Variants in MORC2 observed in about 807,000 individuals in gnomAD.
MORC2 encodes the protein MORC family CW-type zinc finger 2.
In MORC2, 30 loss-of-function variants were observed where a neutral mutation model predicts 136.0. The ratio of observed to expected loss-of-function variants is 0.22; its 90% confidence interval spans 0.17 to 0.30. MORC2 has a LOEUF of 0.30. MORC2 is among the 10% of genes least tolerant of loss of function. The pLI, the probability that MORC2 is intolerant of heterozygous loss-of-function variation, is 1.00. For missense variants in MORC2, 922 were observed against 1,333.1 expected (o/e 0.69, Z 4.80); for synonymous variants, 439 against 487.0 (o/e 0.90, Z 1.30).
intron 3 of MORC2, among the ~76,000 whole-genome samples, chr22:30,951,391 C>A (rs929571966): frequency 3.3e-5 from 5 of 152,094 alleles, no homozygotes; most frequent in Non-Finnish European, 7.4e-5. Context: ...GCCTTTTGAC[C>A]CAATGATGAG....
chr22:30,954,025 C>T (rs2040930134), intron 3 of MORC2, among the ~76,000 whole-genome samples: 1 of 152,172 alleles, frequency 6.6e-6, no homozygotes, highest in Admixed American at 6.5e-5. Flanking sequence ...TTATTACTGG[C>T]CAAGCGCATC....
intron 17 of MORC2, 81 bp from the exon 18 acceptor site, chr22:30,935,403 G>A: frequency 7.2e-6 from 10 of 1,385,802 alleles, no homozygotes; most frequent in Admixed American, 6.1e-5. Context: ...TCTGGAACCA[G>A]GGACAAAAAA....
chr22:30,929,659 G>C (rs952357204), intron 24 of MORC2, among the ~76,000 whole-genome samples: 1 of 152,156 alleles, frequency 6.6e-6, no homozygotes, highest in Non-Finnish European at 1.5e-5. Flanking sequence ...GAGGCAGGAG[G>C]CTGAGGCAGG....
intron 24 of MORC2, among the ~76,000 whole-genome samples, chr22:30,931,709 C>A (rs555098212): frequency 2.0e-5 from 3 of 152,346 alleles, no homozygotes; most frequent in East Asian, 3.9e-4. Flanking sequence ...TCTCTGCCCC[C>A]CAGGCCACCA....
At chr22:30,949,936 G>T in intron 4 of MORC2, 94 bp from the exon 5 acceptor site, 2 of 1,148,492 alleles carry the variant, frequency 1.7e-6, no homozygotes. Flanking sequence ...ATCCAAGCAG[G>T]GGTGTGTATC....
rs774764459 is a variant in MORC2 at position 30,933,449 on chromosome 22, T to A, written c.2380+17A>T. 4 of 1,613,008 alleles carry A rather than the reference T, an allele frequency of 2.5e-6. No homozygotes were observed. In the Admixed American group the frequency reaches 6.7e-5, roughly 27 times the overall value. ...CCCACCCCCGCCACAGGCTGCCAAGTCACTCCCCCAGCTCACCTTTCTGAG... is the reference window on the plus strand; with the variant it reads ...CCCACCCCCGCCACAGGCTGCCAAGACACTCCCCCAGCTCACCTTTCTGAG... On this transcript the variant is annotated intron_variant, in intron 21 of 25. Coordinates refer to ENST00000397641, the MANE Select transcript of MORC2 (RefSeq NM_001303256.3).
chr22:30,965,895 G>C (rs1453125010), intron 1 of MORC2, among the ~76,000 whole-genome samples: 1 of 152,236 alleles, frequency 6.6e-6, no homozygotes, highest in Non-Finnish European at 1.5e-5. Context: ...ACTGACTACA[G>C]TAGGCACTGC....
At chr22:30,958,758 C>T in intron 1 of MORC2, 64 bp from the exon 2 acceptor site, 2 of 1,364,714 alleles carry the variant, frequency 1.5e-6, no homozygotes, top group East Asian at 2.5e-5. Context: ...TAATAAAAAG[C>T]CATGGTTATA....
At position 30,926,201 on chromosome 22, in the gene MORC2, G is replaced by T. The variant is rs946604273; in HGVS notation, c.*602C>A. ...AAAGAACTTGAGTAGTAGATGAGGT[G>T]GTTAGACAGGATCTTTTTCCCTCAA... On this transcript the variant is annotated 3_prime_UTR_variant, in exon 26 of 26. Transcript: ENST00000397641. 6.6e-6 allele frequency: 1 copy of T among 152,214 alleles called. No individual in the cohort carries two copies. The highest frequency in any genetic ancestry group is 1.5e-5 in the Non-Finnish European group (1 of 68,074). The allele number at this position is 152,214 out of a possible 1,614,324, so 9.4% of individuals were successfully genotyped here.
At chr22:30,964,629 C>G (rs1381753930) in intron 1 of MORC2, among the ~76,000 whole-genome samples, 2 of 152,166 alleles carry the variant, frequency 1.3e-5, no homozygotes, top group Non-Finnish European at 2.9e-5. Flanking sequence ...CTTAAAAACC[C>G]TAACATTTAT....
rs749152179 is a variant in MORC2, at chr22:30,940,742, C to A, written c.904+16G>T. ...GATGCACACCCCCCCAACTCCTGCA[C>A]CCAGAGTGGCATTACCAATCCTTGC... On this transcript the variant is annotated intron_variant, in intron 10 of 25. Transcript: ENST00000397641. 2 of 1,612,790 alleles carry A rather than the reference C, an allele frequency of 1.2e-6. No homozygotes were observed. The highest frequency in any genetic ancestry group is 1.7e-5 in the Admixed American group (1 of 60,000).
In MORC2 at chr22:30,935,254, G is replaced by A. The variant is rs763512708; in HGVS notation, c.1806C>T (p.Ser602=). 1.2e-6 allele frequency: 2 copies of A among 1,613,654 alleles called. No homozygotes were observed. The highest frequency in any genetic ancestry group is 1.7e-6 in the Non-Finnish European group (2 of 1,179,852). ...KLPLEVTTRP[S]TEEPVRRPQR... ...CCAGGCCCCTGGACTTCACCTCAGTGGAAGGTCTGGTGGTCACTTCCAAGG... is the reference window on the plus strand; with the variant it reads ...CCAGGCCCCTGGACTTCACCTCAGTAGAAGGTCTGGTGGTCACTTCCAAGG... Residue 602 remains serine (S), a synonymous_variant, in exon 18 of 26, where the codon TCC becomes TCT. Transcript: ENST00000397641.
intron 3 of MORC2, among the ~76,000 whole-genome samples, chr22:30,952,958 T>A (rs917020188): frequency 2.2e-4 from 33 of 152,220 alleles, no homozygotes; most frequent in African/African-American, 8.0e-4. Context: ...AAAGAGCTTG[T>A]GAAAATAGAT....
intron 20 of MORC2, 139 bp from the exon 21 acceptor site, chr22:30,933,659 A>C (rs1256054416): frequency 3.7e-6 from 3 of 809,964 alleles, no homozygotes; most frequent in Non-Finnish European, 6.0e-6. Flanking sequence ...CCCCGTTGAG[A>C]GCCACACTCC....
rs113183423 is a variant in MORC2 at position 30,940,632 on chromosome 22, A to G, written c.904+126T>C. Reference sequence around the variant, plus strand: ...AAAGGGGCTGCAAAGGAACTGAACTATGCTTCAGGAGACCAGCCTTGTCCC... The same window carrying G: ...AAAGGGGCTGCAAAGGAACTGAACTGTGCTTCAGGAGACCAGCCTTGTCCC... On this transcript the variant is annotated intron_variant, in intron 10 of 25. Transcript: ENST00000397641. 2.2e-4 allele frequency: 179 copies of G among 803,694 alleles called. No individual in the cohort carries two copies. In the Middle Eastern group the frequency reaches 4.8e-3, roughly 22 times the overall value. 49.8% of individuals were successfully genotyped at this position (803,694 alleles called of 1,614,324 possible). A position where few individuals can be genotyped will look rare whatever the true frequency, so the allele number is the denominator to read the frequency against.
intron 3 of MORC2, among the ~76,000 whole-genome samples, chr22:30,951,578 A>G (rs768108726): frequency 7.9e-5 from 12 of 152,214 alleles, no homozygotes; most frequent in Non-Finnish European, 1.5e-4. Context: ...TAGCATTTCT[A>G]AGAGGAAAGA....
intron 6 of MORC2, among the ~76,000 whole-genome samples, chr22:30,945,728 C>T (rs2040807207): frequency 6.6e-6 from 1 of 152,190 alleles, no homozygotes; most frequent in South Asian, 2.1e-4. Context: ...ATTCTGGATT[C>T]ATTAGTCCTT....
At chr22:30,955,951 G>A (rs1462064884) in intron 3 of MORC2, among the ~76,000 whole-genome samples, 1 of 147,644 alleles carries the variant, frequency 6.8e-6, no homozygotes, top group Non-Finnish European at 1.5e-5. Context: ...AGGTTGCAGT[G>A]AGGCAAGATC....
intron 1 of MORC2, among the ~76,000 whole-genome samples, chr22:30,959,468 A>G (rs867765618): frequency 2.0e-5 from 3 of 152,238 alleles, no homozygotes; most frequent in Admixed American, 6.5e-5. Context: ...AAATTACACA[A>G]AAGTGTATGA....
Sources: allele counts gnomAD v4.1 joint callset (sites outside exome capture counted in the v4.1 genomes callset), GRCh38; gene constraint gnomAD v4.1.1; transcripts MANE v1.5; gene names NCBI Gene and HGNC (gene_info 2026-07-23, HGNC 2026-07-21).